Variants in ECPAS observed in about 807,000 individuals in gnomAD.
The protein encoded by ECPAS is Ecm29 proteasome adaptor and scaffold, also known as proteasome adapter and scaffold protein ECM29.
A neutral mutation model predicts 255.1 loss-of-function variants in ECPAS; 70 were observed. That is an observed-to-expected ratio of 0.27 (90% confidence interval 0.23 to 0.33). The LOEUF is 0.33. Among genes scored for constraint, ECPAS ranks in the 10% least tolerant of loss-of-function variants. ECPAS has a pLI of 1.00. For missense variants in ECPAS, 1,817 were observed against 2,206.4 expected, an observed-to-expected ratio of 0.82 and a Z score of 3.54; for synonymous variants, 784 against 775.0, an observed-to-expected ratio of 1.01 and a Z score of -0.19.
intron 3 of ECPAS, among the ~76,000 whole-genome samples, chr9:111,450,887 T>C (rs2098259385): frequency 6.6e-6 from 1 of 152,152 alleles, no homozygotes; most frequent in African/African-American, 2.4e-5. Flanking sequence ...ATTGTGCCAC[T>C]GCACTCCAGC....
intron 24 of ECPAS, among the ~76,000 whole-genome samples, chr9:111,399,717 A>C (rs1203299285): frequency 1.3e-5 from 2 of 152,312 alleles, no homozygotes; most frequent in East Asian, 3.9e-4. Context: ...ACCCACAATA[A>C]AACAAAGGAC....
intron 2 of ECPAS, among the ~76,000 whole-genome samples, chr9:111,452,095 C>T (rs1355759806): frequency 6.6e-6 from 1 of 152,048 alleles, no homozygotes; most frequent in East Asian, 1.9e-4. Flanking sequence ...TCAGCAAAAC[C>T]CAGACTGTGA....
At chr9:111,480,287 C>CTTTTTTTTTTT (rs1282400347) in intron 1 of ECPAS, among the ~76,000 whole-genome samples, 1 of 113,682 alleles carries the variant, frequency 8.8e-6, no homozygotes, top group African/African-American at 3.4e-5. Context: ...TTAAAAGCAC[C>CTTTTTTTTTTT]TTTTCTTTTT....
At position 111,361,981 on chromosome 9, in the gene ECPAS, C is replaced by G. The variant is rs1348367554; in HGVS notation, c.*49G>C. ...CTTGGTTTTTCAAAGAACACCACCA[C>G]TTCAACCCCCAATGAACATGGCACT... On this transcript the variant is annotated 3_prime_UTR_variant, in exon 50 of 50. Coordinates refer to ENST00000684092, the MANE Select transcript of ECPAS (RefSeq NM_001364929.1). 1 of 1,596,480 alleles carries G rather than the reference C, an allele frequency of 6.3e-7. No individual in the cohort carries two copies. Among genetic ancestry groups the G allele is most frequent in the African/African-American group, 1.3e-5 (1 of 74,122 alleles).
intron 12 of ECPAS, among the ~76,000 whole-genome samples, chr9:111,424,971 A>G (rs1589178734): frequency 6.6e-6 from 1 of 152,102 alleles, no homozygotes; most frequent in African/African-American, 2.4e-5. Context: ...GGAATTCAAG[A>G]CCAGCCTGGC....
intron 29 of ECPAS, among the ~76,000 whole-genome samples, chr9:111,390,643 A>G (rs557041388): frequency 1.3e-5 from 2 of 152,346 alleles, no homozygotes; most frequent in South Asian, 2.1e-4. Flanking sequence ...TTTTGATGTG[A>G]TAACAGTGTA....
At position 111,383,370 on chromosome 9, in the gene ECPAS, C is replaced by T. The variant is rs140792028; in HGVS notation, c.3682-38G>A. 1,024 of 1,576,526 alleles carry T rather than the reference C, an allele frequency of 6.5e-4. 3 individuals are homozygous for T. In the African/African-American group the frequency reaches 0.012, roughly 19 times the overall value. ...GAGCATGGACGTTAGTGAAAGTGAC[C>T]GCGCATCCAATAAAGAATTCATCTG... On this transcript the variant is annotated intron_variant, in intron 34 of 49. Coordinates refer to ENST00000684092, the MANE Select transcript of ECPAS (RefSeq NM_001364929.1).
rs576239077 is a variant in ECPAS at position 111,375,598 on chromosome 9, A to G, written c.4021-396T>C. Among the ~76,000 whole-genome samples the G allele has an allele frequency of 5.9e-5, 9 of 152,310 alleles. No individual in the cohort carries two copies. In the South Asian group the frequency reaches 1.7e-3, roughly 28 times the overall value. On this transcript the variant is annotated intron_variant, in intron 37 of 49. Transcript: ENST00000684092. ...CCCCTCTAATGAGTCAACTTCTTAG[A>G]TGACTTTTCCTATAAATTGCTGGCC...
chr9:111,469,393 G>T (rs2098283555), intron 2 of ECPAS, among the ~76,000 whole-genome samples: 1 of 151,890 alleles, frequency 6.6e-6, no homozygotes, highest in Admixed American at 6.6e-5. Flanking sequence ...AATTAGCTGG[G>T]CGTGGTGACG....
intron 24 of ECPAS, among the ~76,000 whole-genome samples, chr9:111,402,466 C>A (rs983897330): frequency 1.3e-5 from 2 of 152,200 alleles, no homozygotes; most frequent in Non-Finnish European, 2.9e-5. Flanking sequence ...TAAAGACACT[C>A]TAATACTGCA....
At chr9:111,462,617 A>T (rs1369158643) in intron 2 of ECPAS, among the ~76,000 whole-genome samples, 1 of 152,208 alleles carries the variant, frequency 6.6e-6, no homozygotes, top group Non-Finnish European at 1.5e-5. Flanking sequence ...AATGGCAATA[A>T]AACTACAAGT....
chr9:111,401,312 C>T (rs1458919862), intron 24 of ECPAS, among the ~76,000 whole-genome samples: 1 of 152,034 alleles, frequency 6.6e-6, no homozygotes, highest in Non-Finnish European at 1.5e-5. Context: ...GCGGGGGTGC[C>T]GTCACATATT....
intron 36 of ECPAS, among the ~76,000 whole-genome samples, chr9:111,377,114 A>T (rs2098134230): frequency 6.6e-6 from 1 of 152,180 alleles, no homozygotes; most frequent in Admixed American, 6.5e-5. Context: ...TCCTATGGGC[A>T]CCCAGGAAGG....
At chr9:111,408,781 C>T in intron 23 of ECPAS, 109 bp from the exon 24 acceptor site, 2 of 553,744 alleles carry the variant, frequency 3.6e-6, no homozygotes, top group Non-Finnish European at 6.1e-6. Flanking sequence ...TCTAACACAT[C>T]AACGCAAAAG....
At chr9:111,380,840 C>T (rs1366644697) in intron 35 of ECPAS, among the ~76,000 whole-genome samples, 1 of 152,230 alleles carries the variant, frequency 6.6e-6, no homozygotes, top group African/African-American at 2.4e-5. Context: ...CCTCTGCTAG[C>T]TTCCAACTTT....
At chr9:111,475,885 C>A (rs2098295629) in intron 1 of ECPAS, among the ~76,000 whole-genome samples, 1 of 152,152 alleles carries the variant, frequency 6.6e-6, no homozygotes, top group South Asian at 2.1e-4. Flanking sequence ...TTGCCTTGGC[C>A]TTTCTACAAA....
rs547990112 is a variant in ECPAS at position 111,361,230 on chromosome 9, T to G, written c.*800A>C. On this transcript the variant is annotated 3_prime_UTR_variant, in exon 50 of 50. Coordinates refer to ENST00000684092, the MANE Select transcript of ECPAS (RefSeq NM_001364929.1). ...CAAAATATGCAGCCACAGACACAGA[T>G]AGAATGTGTGATCTTGTCCTAATCT... The G allele has an allele frequency of 7.2e-5, 11 of 152,196 alleles. No homozygotes were observed. Among genetic ancestry groups the G allele is most frequent in the African/African-American group, 2.2e-4 (9 of 41,454 alleles). The allele number at this position is 152,196 out of a possible 1,614,324, so 9.4% of individuals were successfully genotyped here.
chr9:111,396,202 T>TA (rs1490396480), intron 25 of ECPAS, among the ~76,000 whole-genome samples: 3 of 152,240 alleles, frequency 2.0e-5, no homozygotes, highest in Admixed American at 2.0e-4. Context: ...AATTTTTTTT[T>TA]ATTCTAGCTC....
intron 24 of ECPAS, among the ~76,000 whole-genome samples, chr9:111,404,899 GA>G (rs1226707095): frequency 6.4e-5 from 9 of 141,060 alleles, no homozygotes; most frequent in Non-Finnish European, 1.1e-4. Context: ...AAACATTGAT[GA>G]AAAAAATTAA....
Sources: gnomAD v4.1 joint callset for allele counts (sites outside exome capture counted in the v4.1 genomes callset) on GRCh38, gnomAD v4.1.1 for gene constraint, MANE v1.5 for transcripts, NCBI Gene and HGNC (gene_info 2026-07-23, HGNC 2026-07-21) for gene names.